Variants in RNF43 observed in about 807,000 individuals in gnomAD.
RNF43 encodes the protein E3 ubiquitin-protein ligase RNF43.
A neutral mutation model predicts 78.4 loss-of-function variants in RNF43; 37 were observed. The observed-to-expected ratio is 0.47, with a 90% confidence interval of 0.36 to 0.62. The LOEUF is 0.62. Ranked by LOEUF, RNF43 falls within the 20% of genes least tolerant of loss-of-function variation. RNF43 has a pLI of 0.00. For missense variants in RNF43, 774 were observed against 1,007.9 expected, an observed-to-expected ratio of 0.77 and a Z score of 3.14; for synonymous variants, 347 against 395.0, an observed-to-expected ratio of 0.88 and a Z score of 1.44.
chr17:58,393,009 G>A (rs1973592399), intron 2 of RNF43, among the ~76,000 whole-genome samples: 1 of 152,206 alleles, frequency 6.6e-6, no homozygotes, highest in Non-Finnish European at 1.5e-5. Flanking sequence ...TGACACCCCT[G>A]AAACGGTAAG....
intron 2 of RNF43, among the ~76,000 whole-genome samples, chr17:58,411,833 G>T (rs1192480123): frequency 6.6e-6 from 1 of 152,120 alleles, no homozygotes; most frequent in African/African-American, 2.4e-5. Flanking sequence ...CAATAATATT[G>T]CTTGAAATAA....
At chr17:58,407,945 G>GA (rs1161461268) in intron 2 of RNF43, among the ~76,000 whole-genome samples, 1 of 152,154 alleles carries the variant, frequency 6.6e-6, no homozygotes. Flanking sequence ...GGCATTTCTT[G>GA]AATTGATGCA....
intron 2 of RNF43, among the ~76,000 whole-genome samples, chr17:58,407,069 ATTTTTTTTTTT>A (rs35270032): frequency 2.7e-4 from 20 of 74,194 alleles, no homozygotes; most frequent in Non-Finnish European, 3.4e-4. Context: ...AGAGACCAGA[ATTTTTTTTTTT>A]TTTTTTTTTT....
Position 58,362,444 on chromosome 17 carries a change from G to C in RNF43, c.687+100C>G, listed in dbSNP as rs1391544112. ...GTATTTTGATGTAAATGGTTCCATA[G>C]GTATAAAGGTGCCTTCTTCACGTAC... On this transcript the variant is annotated intron_variant, in intron 6 of 9. Transcript: ENST00000407977. The C allele has an allele frequency of 8.0e-6, 6 of 751,820 alleles. No individual in the cohort carries two copies. In the African/African-American group the frequency reaches 1.1e-4, roughly 13 times the overall value. The allele number at this position is 751,820 out of a possible 1,614,324, so 46.6% of individuals were successfully genotyped here. A position where few individuals can be genotyped will look rare whatever the true frequency, so the allele number is the denominator to read the frequency against.
At chr17:58,364,483 G>C (rs564049518) in intron 3 of RNF43, among the ~76,000 whole-genome samples, 12 of 152,258 alleles carry the variant, frequency 7.9e-5, no homozygotes, top group African/African-American at 2.6e-4. Flanking sequence ...GTGTAGGGAG[G>C]GGAGTAAGGA....
chr17:58,372,163 T>C (rs1409234241), intron 2 of RNF43, among the ~76,000 whole-genome samples: 1 of 152,228 alleles, frequency 6.6e-6, no homozygotes, highest in Non-Finnish European at 1.5e-5. Context: ...CTTGAATTTA[T>C]AAAGATGTTT....
At chr17:58,400,488 A>G (rs1251081790) in intron 2 of RNF43, among the ~76,000 whole-genome samples, 1 of 152,190 alleles carries the variant, frequency 6.6e-6, no homozygotes, top group Admixed American at 6.5e-5. Context: ...ATAATACCTA[A>G]CATTTGCCAT....
chr17:58,397,794 G>C (rs1168379055), intron 2 of RNF43, among the ~76,000 whole-genome samples: 1 of 151,936 alleles, frequency 6.6e-6, no homozygotes, highest in Non-Finnish European at 1.5e-5. Flanking sequence ...CCCGCTTTAG[G>C]CTATGTTATT....
intron 2 of RNF43, among the ~76,000 whole-genome samples, chr17:58,400,643 G>C (rs1276949916): frequency 1.3e-5 from 2 of 152,176 alleles, no homozygotes. Context: ...GATCAGCACT[G>C]AGATTAAAAT....
chr17:58,366,905 A>C (rs8065321), intron 3 of RNF43, among the ~76,000 whole-genome samples: 3,913 of 152,078 alleles, frequency 0.026, 153 homozygotes, highest in African/African-American at 0.09. Context: ...AGCTCACTGC[A>C]GTTTCCGCCT....
At position 58,363,326 on chromosome 17, in the gene RNF43, G is replaced by A. The variant is rs1279217574; in HGVS notation, c.531C>T (p.Tyr177=). 2 of 1,614,172 alleles carry A rather than the reference G, an allele frequency of 1.2e-6. No individual in the cohort carries two copies. Among genetic ancestry groups the A allele is most frequent in the South Asian group, 1.1e-5 (1 of 91,086 alleles). Residue 177 remains tyrosine (Y), a synonymous_variant, in exon 5 of 10, where the codon TAC becomes TAT. Coordinates refer to ENST00000407977, the MANE Select transcript of RNF43 (RefSeq NM_017763.6). ...TCCTCACATGGGCCTTTTGGTTCTT[G>A]TACACAAACTCCATCAGCTTCTCAG... ...NDAEKLMEFV[Y]KNQKAHVRIE...
chr17:58,381,195 A>G (rs1328449757), intron 2 of RNF43, among the ~76,000 whole-genome samples: 1 of 152,214 alleles, frequency 6.6e-6, no homozygotes, highest in Non-Finnish European at 1.5e-5. Flanking sequence ...GGACAAAATT[A>G]TTCAAGCCAC....
intron 3 of RNF43, among the ~76,000 whole-genome samples, chr17:58,370,060 GTTTTTTTTTTTTTT>G (rs56372311): frequency 1.1e-3 from 105 of 96,238 alleles, no homozygotes; most frequent in Non-Finnish European, 1.6e-3. Context: ...GAAAATCTGA[GTTTTTTTTTTTTTT>G]TTTTTTTTTT....
intron 2 of RNF43, among the ~76,000 whole-genome samples, chr17:58,410,294 C>A (rs191210899): frequency 3.2e-4 from 48 of 152,264 alleles, no homozygotes; most frequent in African/African-American, 1.2e-3. Flanking sequence ...AGGCTTCTAA[C>A]AACAAGGCCA....
At chr17:58,414,460 T>C (rs937103997) in intron 2 of RNF43, among the ~76,000 whole-genome samples, 1 of 152,200 alleles carries the variant, frequency 6.6e-6, no homozygotes, top group African/African-American at 2.4e-5. Flanking sequence ...ATAAGCAACA[T>C]CATTTTATGG....
In RNF43 at chr17:58,413,916, A is replaced by C. The variant is rs562362936; in HGVS notation, c.252+1410T>G. Among the ~76,000 whole-genome samples the C allele has an allele frequency of 3.3e-5, 5 of 152,328 alleles. No homozygotes were observed. The South Asian group carries it at 1.0e-3, about 32-fold the overall frequency. On this transcript the variant is annotated intron_variant, in intron 2 of 9. Transcript: ENST00000407977. ...TAGCAAAATTACTTACGGTCCTAAA[A>C]TGGAGCACACAATTCATGCTTCAGG...
In RNF43 at chr17:58,354,666, C is replaced by T; in HGVS notation, c.*277G>A. The T allele has an allele frequency of 3.9e-6, 2 of 510,194 alleles. No homozygotes were observed. Among genetic ancestry groups the T allele is most frequent in the South Asian group, 4.3e-5 (2 of 46,154 alleles). The allele number at this position is 510,194 out of a possible 1,614,324, so 31.6% of individuals were successfully genotyped here. ...CTCAAAAACTCAGCCTTCAAGGGATCCAGCCCACACACGCCACAGGCAGCA... is the reference window on the plus strand; with the variant it reads ...CTCAAAAACTCAGCCTTCAAGGGATTCAGCCCACACACGCCACAGGCAGCA... On this transcript the variant is annotated 3_prime_UTR_variant, in exon 10 of 10. Coordinates refer to ENST00000407977, the MANE Select transcript of RNF43 (RefSeq NM_017763.6).
intron 6 of RNF43, among the ~76,000 whole-genome samples, chr17:58,362,301 C>G (rs899364354): frequency 3.9e-5 from 6 of 152,146 alleles, no homozygotes; most frequent in Non-Finnish European, 7.4e-5. Flanking sequence ...ATCTTGTTCA[C>G]TGTACTACCC....
intron 2 of RNF43, among the ~76,000 whole-genome samples, chr17:58,414,398 G>A (rs1974084267): frequency 6.6e-6 from 1 of 152,196 alleles, no homozygotes; most frequent in East Asian, 1.9e-4. Flanking sequence ...ATTTTAACCT[G>A]TGTCCAGTAG....
Sources: gnomAD v4.1 joint callset for allele counts (sites outside exome capture counted in the v4.1 genomes callset) on GRCh38, gnomAD v4.1.1 for gene constraint, MANE v1.5 for transcripts, NCBI Gene and HGNC (gene_info 2026-07-23, HGNC 2026-07-21) for gene names.